Variants in NUDCD3 observed in about 807,000 individuals in gnomAD.
NUDCD3 encodes NudC domain containing 3.
A neutral mutation model predicts 39.7 loss-of-function variants in NUDCD3; 13 were observed. The observed-to-expected ratio is 0.33, with a 90% CI of 0.21 to 0.52. NUDCD3 has a LOEUF of 0.52. NUDCD3 is among the 20% of genes least tolerant of loss of function. The pLI, the probability that NUDCD3 is intolerant of heterozygous loss-of-function variation, is 0.96. For missense variants in NUDCD3, 453 were observed against 458.1 expected, an observed-to-expected ratio of 0.99 and a Z score of 0.10; for synonymous variants, 175 against 172.4, an observed-to-expected ratio of 1.02 and a Z score of -0.12.
chr7:44,468,345 A>C, intron 2 of NUDCD3: 22 of 1,075,972 alleles, frequency 2.0e-5, no homozygotes, highest in South Asian at 7.8e-5. Flanking sequence ...AAATGTAAAA[A>C]CTGCAAAAAA....
rs550366011 is a variant in NUDCD3 at position 44,485,222 on chromosome 7, T to G, written c.255A>C (p.Glu85Asp). 6 of 1,614,208 alleles carry G rather than the reference T, an allele frequency of 3.7e-6. No homozygotes were observed. The highest frequency in any genetic ancestry group is 3.3e-5 in the Admixed American group (2 of 60,030). The change falls in exon 2 of 6, where the codon GAA becomes GAC. Residue 85 changes from glutamate to aspartate, a missense_variant. Coordinates refer to ENST00000355451, the MANE Select transcript of NUDCD3 (RefSeq NM_015332.4). ...QDDEKRRQEL[E>D]EKIRRKEEEE... ...CCTCTTCCTTTCTTCTGATTTTCTCTTCAAGTTCCTGCCTTCTCTTCTCAT... is the reference window on the plus strand; with the variant it reads ...CCTCTTCCTTTCTTCTGATTTTCTCGTCAAGTTCCTGCCTTCTCTTCTCAT...
chr7:44,421,331 T>TAAAAAAAAAA (rs531473757), intron 3 of NUDCD3, among the ~76,000 whole-genome samples: 1 of 124,656 alleles, frequency 8.0e-6, no homozygotes, highest in Non-Finnish European at 1.6e-5. Context: ...AGACTCCGTC[T>TAAAAAAAAAA]AAAAAAAAAA....
chr7:44,446,115 GGACTATTCAAGTCCTATA>G (rs976908732), intron 2 of NUDCD3, among the ~76,000 whole-genome samples: 2 of 152,200 alleles, frequency 1.3e-5, no homozygotes, highest in Admixed American at 1.3e-4. Context: ...ACATGAGGCT[GGACTATTCAAGTCCTATA>G]GACATCCTTA....
At chr7:44,439,583 T>G (rs1459450840) in intron 2 of NUDCD3, among the ~76,000 whole-genome samples, 2 of 137,278 alleles carry the variant, frequency 1.5e-5, no homozygotes, top group Non-Finnish European at 3.1e-5. Context: ...TGCCAAAAAG[T>G]AAGGAAGTGC....
At chr7:44,448,406 C>A (rs905998009) in intron 2 of NUDCD3, among the ~76,000 whole-genome samples, 1 of 152,108 alleles carries the variant, frequency 6.6e-6, no homozygotes, top group Non-Finnish European at 1.5e-5. Flanking sequence ...TCCACAGAGC[C>A]CCCAGAACAC....
At position 44,385,795 on chromosome 7, in the gene NUDCD3, A is replaced by T. The variant is rs562498059; in HGVS notation, c.*216T>A. On this transcript the variant is annotated 3_prime_UTR_variant, in exon 6 of 6. Transcript: ENST00000355451. Reference sequence around the variant, plus strand: ...ATTTCAAACACCTTCACTCAGTGTCAGCCACAGCGGCCACCACATAGCAGC... The same window carrying T: ...ATTTCAAACACCTTCACTCAGTGTCTGCCACAGCGGCCACCACATAGCAGC... 1.1e-4 allele frequency: 63 copies of T among 558,684 alleles called. No homozygotes were observed. In the African/African-American group the frequency reaches 1.1e-3, roughly 10 times the overall value. The allele number at this position is 558,684 out of a possible 1,614,324, so 34.6% of individuals were successfully genotyped here.
At chr7:44,415,950 C>T (rs1353858715) in intron 3 of NUDCD3, among the ~76,000 whole-genome samples, 1 of 152,108 alleles carries the variant, frequency 6.6e-6, no homozygotes, top group East Asian at 1.9e-4. Flanking sequence ...AAAGAAAGTA[C>T]AGCTCTGAAG....
At chr7:44,399,701 G>C (rs1355035432) in intron 4 of NUDCD3, among the ~76,000 whole-genome samples, 1 of 152,206 alleles carries the variant, frequency 6.6e-6, no homozygotes, top group African/African-American at 2.4e-5. Flanking sequence ...CGACACTCCA[G>C]AAACAACTCA....
chr7:44,464,470 T>G (rs766277504), intron 2 of NUDCD3, among the ~76,000 whole-genome samples: 1 of 149,250 alleles, frequency 6.7e-6, no homozygotes, highest in African/African-American at 2.4e-5. Flanking sequence ...GATCAACAAT[T>G]TTTTTTTTTT....
intron 3 of NUDCD3, among the ~76,000 whole-genome samples, chr7:44,410,574 G>T (rs908565490): frequency 6.6e-6 from 1 of 150,972 alleles, no homozygotes; most frequent in Admixed American, 6.6e-5. Context: ...TGAGGCAGGA[G>T]AATGGTGTGA....
intron 2 of NUDCD3, among the ~76,000 whole-genome samples, chr7:44,464,326 G>A (rs760023318): frequency 9.2e-5 from 14 of 151,956 alleles, no homozygotes; most frequent in South Asian, 2.1e-4. Flanking sequence ...GAAAAAGAGC[G>A]CCACAGTCCC....
intron 1 of NUDCD3, among the ~76,000 whole-genome samples, chr7:44,489,562 T>A (rs1445339117): frequency 1.3e-5 from 2 of 152,242 alleles, no homozygotes; most frequent in African/African-American, 4.8e-5. Context: ...ATAGGCTTAA[T>A]ACTTGGCTGA....
At chr7:44,397,804 CTGAGT>C (rs1489744293) in intron 4 of NUDCD3, among the ~76,000 whole-genome samples, 1 of 151,964 alleles carries the variant, frequency 6.6e-6, no homozygotes, top group Non-Finnish European at 1.5e-5. Flanking sequence ...GCCCTTTGTC[CTGAGT>C]TATTTCCTAA....
chr7:44,460,831 C>T (rs1227312392), intron 2 of NUDCD3, among the ~76,000 whole-genome samples: 1 of 152,220 alleles, frequency 6.6e-6, no homozygotes, highest in Non-Finnish European at 1.5e-5. Flanking sequence ...TACTATAAAA[C>T]ATTACTCCAA....
At position 44,490,510 on chromosome 7, in the gene NUDCD3, A is replaced by C. The variant is rs1406792885; in HGVS notation, c.91T>G (p.Phe31Val). ...GNVQDFLRVL[F>V]GFLYRKTDFY... ...TCTGTCTTGCGGTAGAGGAAGCCAA[A>C]GAGAACGCGCAGGAAATCCTGGACG... Residue 31 changes from phenylalanine (F) to valine (V), a missense_variant, in exon 1 of 6, where the codon TTT (phenylalanine) becomes GTT (valine). Transcript: ENST00000355451. 7.4e-6 allele frequency: 12 copies of C among 1,611,438 alleles called. No individual in the cohort carries two copies. The highest frequency in any genetic ancestry group is 1.3e-5 in the African/African-American group (1 of 74,738).
intron 2 of NUDCD3, among the ~76,000 whole-genome samples, 183 bp from the exon 3 acceptor site, chr7:44,427,886 C>G (rs1372931841): frequency 6.6e-6 from 1 of 151,978 alleles, no homozygotes; most frequent in Admixed American, 6.6e-5. Context: ...TCTGACCCTC[C>G]TACATGGTAC....
At position 44,485,197 on chromosome 7, in the gene NUDCD3, CCTCTTCCTTTCTTCTGATTTT is replaced by C; in HGVS notation, c.259_279del (p.Lys87_Glu93del). ...GCAGCTGACACAGTCTTGGCCTCTTCCTCTTCCTTTCTTCTGATTTTCTCTTCAAGTTCCTGCCTTCTCTTC... is the reference window on the plus strand; with the variant it reads ...GCAGCTGACACAGTCTTGGCCTCTTCCTCTTCAAGTTCCTGCCTTCTCTTC... On this transcript the variant is annotated inframe_deletion, in exon 2 of 6. Coordinates refer to ENST00000355451, the MANE Select transcript of NUDCD3 (RefSeq NM_015332.4). 6.2e-7 allele frequency: 1 copy of C among 1,614,208 alleles called. No individual in the cohort carries two copies. Among genetic ancestry groups the C allele is most frequent in the Non-Finnish European group, 8.5e-7 (1 of 1,180,030 alleles).
intron 3 of NUDCD3, among the ~76,000 whole-genome samples, chr7:44,426,712 C>T (rs1250693030): frequency 2.0e-5 from 3 of 149,430 alleles, no homozygotes; most frequent in Non-Finnish European, 4.4e-5. Flanking sequence ...AGGAGAATGG[C>T]GTGAACCCGG....
chr7:44,423,022 C>T (rs1396500408), intron 3 of NUDCD3, among the ~76,000 whole-genome samples: 1 of 152,158 alleles, frequency 6.6e-6, no homozygotes, highest in East Asian at 1.9e-4. Context: ...ATCACATAAA[C>T]AGAACCAGTG....
Sources: gnomAD v4.1 joint callset for allele counts (sites outside exome capture counted in the v4.1 genomes callset) on GRCh38, gnomAD v4.1.1 for gene constraint, MANE v1.5 for transcripts, NCBI Gene and HGNC (gene_info 2026-07-23, HGNC 2026-07-21) for gene names.